Variants in UBE4B observed in about 807,000 individuals in gnomAD.
UBE4B encodes ubiquitination factor E4B.
A neutral mutation model predicts 148.1 loss-of-function variants in UBE4B; 27 were observed. The ratio of observed to expected loss-of-function variants is 0.18; its 90% CI spans 0.13 to 0.25. The LOEUF (loss-of-function observed/expected upper bound fraction) is 0.25. Ranked by LOEUF, UBE4B falls within the 10% of genes least tolerant of loss-of-function variation. The pLI, the probability that UBE4B is intolerant of heterozygous loss-of-function variation, is 1.00. For missense variants in UBE4B, 1,170 were observed against 1,662.4 expected, an observed-to-expected ratio of 0.70 and a Z score of 5.15; for synonymous variants, 596 against 619.3, an observed-to-expected ratio of 0.96 and a Z score of 0.56.
chr1:10,069,235 T>C (rs773671082), intron 1 of UBE4B, among the ~76,000 whole-genome samples: 1 of 152,228 alleles, frequency 6.6e-6, no homozygotes, highest in Non-Finnish European at 1.5e-5. Context: ...GCTCTTCCAA[T>C]GATAATGATA....
At chr1:10,110,087 G>C (rs1353662536) in intron 7 of UBE4B, among the ~76,000 whole-genome samples, 3 of 152,074 alleles carry the variant, frequency 2.0e-5, no homozygotes, top group African/African-American at 7.2e-5. Flanking sequence ...TTTTTACTCT[G>C]AAGTAAGCAA....
At position 10,068,675 on chromosome 1, in the gene UBE4B, G is replaced by A. The variant is rs560417997; in HGVS notation, c.25-3353G>A. Among the ~76,000 whole-genome samples the A allele has an allele frequency of 8.5e-5, 13 of 152,146 alleles. No homozygotes were observed. In the South Asian group the frequency reaches 2.3e-3, roughly 27 times the overall value. On this transcript the variant is annotated intron_variant, in intron 1 of 27. Coordinates refer to ENST00000343090, the MANE Select transcript of UBE4B (RefSeq NM_001105562.3). ...CAGTTTTTGTATTTTTAGTAGAGCC[G>A]GTGTTTCTCCATGTTGCCCAGGCTG... is the stretch of plus-strand genomic sequence containing the variant.
chr1:10,101,888 A>G (rs939363084), intron 4 of UBE4B, among the ~76,000 whole-genome samples: 6 of 152,166 alleles, frequency 3.9e-5, no homozygotes, highest in Non-Finnish European at 8.8e-5. Context: ...AAGCAAGAAT[A>G]TGTAGAATCT....
At chr1:10,038,841 A>G (rs927481437) in intron 1 of UBE4B, among the ~76,000 whole-genome samples, 6 of 152,120 alleles carry the variant, frequency 3.9e-5, no homozygotes, top group Admixed American at 3.9e-4. Flanking sequence ...TCACGCCTGT[A>G]ATCCCAGCAC....
chr1:10,137,815 G>C (rs1645714936), intron 17 of UBE4B, among the ~76,000 whole-genome samples: 1 of 150,252 alleles, frequency 6.7e-6, no homozygotes, highest in Admixed American at 6.7e-5. Flanking sequence ...GAATAATAAT[G>C]ATGCCACTTC....
intron 1 of UBE4B, chr1:10,054,494 G>T: frequency 2.3e-6 from 1 of 428,584 alleles, no homozygotes; most frequent in Non-Finnish European, 4.5e-6. Flanking sequence ...TCTTCCCATT[G>T]GTTCTCACAC....
At chr1:10,069,592 C>T (rs771796720) in intron 1 of UBE4B, among the ~76,000 whole-genome samples, 5 of 152,030 alleles carry the variant, frequency 3.3e-5, no homozygotes, top group African/African-American at 7.2e-5. Context: ...TGGAGTGCAG[C>T]GGTGCGATAT....
chr1:10,113,804 C>T (rs1645260593), intron 7 of UBE4B, among the ~76,000 whole-genome samples: 1 of 152,034 alleles, frequency 6.6e-6, no homozygotes, highest in Non-Finnish European at 1.5e-5. Context: ...CAGTGGCTCA[C>T]GCCTGTAATC....
chr1:10,144,733 TAAAAAA>T, intron 17 of UBE4B, among the ~76,000 whole-genome samples: 1 of 136,058 alleles, frequency 7.3e-6, no homozygotes, highest in Non-Finnish European at 1.6e-5. Context: ...GACTCTGTCT[TAAAAAA>T]AAAAAAAAAA....
At chr1:10,054,706 T>A in intron 1 of UBE4B, 1 of 258,836 alleles carries the variant, frequency 3.9e-6, no homozygotes, top group Non-Finnish European at 7.7e-6. Context: ...TCTTCCAGTC[T>A]AGCCATGGTA....
chr1:10,092,535 T>TAAAAG (rs70998346), intron 2 of UBE4B, among the ~76,000 whole-genome samples: 149,458 of 151,758 alleles, frequency 0.98, 73,608 homozygotes, highest in East Asian at 1. Flanking sequence ...ACCCATTTCT[T>TAAAAG]AAAATAAGGA....
intron 2 of UBE4B, among the ~76,000 whole-genome samples, chr1:10,076,779 T>G (rs1023334870): frequency 1.5e-5 from 2 of 134,306 alleles, no homozygotes; most frequent in Middle Eastern, 7.5e-3. Context: ...GGAGTTTCGC[T>G]CTTGTCACCC....
At chr1:10,046,659 G>A (rs1301629067) in intron 1 of UBE4B, among the ~76,000 whole-genome samples, 1 of 152,110 alleles carries the variant, frequency 6.6e-6, no homozygotes, top group African/African-American at 2.4e-5. Flanking sequence ...TGTAGCCTCT[G>A]ACTTTATTTT....
intron 1 of UBE4B, among the ~76,000 whole-genome samples, chr1:10,047,767 C>T (rs1643943235): frequency 1.3e-5 from 2 of 152,216 alleles, no homozygotes; most frequent in South Asian, 2.1e-4. Flanking sequence ...GCTGGGATTA[C>T]AGGCTTGAGC....
intron 2 of UBE4B, among the ~76,000 whole-genome samples, chr1:10,084,316 C>T (rs749615960): frequency 6.6e-6 from 1 of 152,148 alleles, no homozygotes. Context: ...AAGCCTTCCT[C>T]GTCTCCTTAT....
intron 19 of UBE4B, among the ~76,000 whole-genome samples, chr1:10,148,174 C>T (rs1049485881): frequency 4.7e-5 from 7 of 149,282 alleles, no homozygotes; most frequent in Non-Finnish European, 1.0e-4. Flanking sequence ...TTCCGGTGAG[C>T]GGAGATCACG....
Position 10,119,608 on chromosome 1 carries a change from G to T in UBE4B, c.1434G>T (p.Gln478His). ...TALVLQGSLT[Q>H]PRSLQQPSFL... ...TAGTACTACAAGGCTCCCTAACACA[G>T]CCCAGGTATGAAGACCCGTGACGTG... The change falls in exon 9 of 28, where the codon CAG becomes CAT. Residue 478 changes from glutamine (Q) to histidine (H), a missense_variant. Gln to His is a conservative substitution (Grantham distance 24). Around this residue, in one of 6 missense-constraint regions of UBE4B, gnomAD observed 388 missense variants for 536.0 expected, o/e 0.72. Coordinates refer to ENST00000343090, the MANE Select transcript of UBE4B (RefSeq NM_001105562.3). 1 of 1,612,606 alleles carries T rather than the reference G, an allele frequency of 6.2e-7. No homozygotes were observed. Among genetic ancestry groups the T allele is most frequent in the East Asian group, 2.2e-5 (1 of 44,820 alleles).
chr1:10,093,072 T>G (rs558687996), intron 2 of UBE4B, among the ~76,000 whole-genome samples: 90 of 152,350 alleles, frequency 5.9e-4, no homozygotes, highest in African/African-American at 2.1e-3. Flanking sequence ...TGCTACAGTA[T>G]TATTGTACAC....
At chr1:10,166,944 C>T (rs909472421) in intron 23 of UBE4B, among the ~76,000 whole-genome samples, 7 of 130,820 alleles carry the variant, frequency 5.4e-5, no homozygotes, top group African/African-American at 2.4e-4. Flanking sequence ...AAATAAATCA[C>T]ACACACACAC....
Sources: allele counts gnomAD v4.1 joint callset (sites outside exome capture counted in the v4.1 genomes callset), GRCh38; gene constraint gnomAD v4.1.1; regional missense constraint gnomAD v4.1.1; transcripts MANE v1.5; gene names NCBI Gene and HGNC (gene_info 2026-07-23, HGNC 2026-07-21).